The following LYZL6 variants were observed in gnomAD, a reference collection of about 807,000 sequenced individuals.
LYZL6 encodes lysozyme-like protein 6.
A neutral mutation model predicts 15.0 loss-of-function variants in LYZL6; 21 were observed. That is an observed-to-expected ratio of 1.40 (90% CI 1.00 to 2.02). The LOEUF (loss-of-function observed/expected upper bound fraction) is 2.02, where lower values mean the gene tolerates loss of function less well. LYZL6 is among the 30% of genes most tolerant of loss of function. The pLI is 0.00. For missense variants in LYZL6, 173 were observed against 180.5 expected (o/e 0.96, Z 0.24); for synonymous variants, 72 against 67.8 (o/e 1.06, Z -0.31).
chr17:35,938,225 T>A (rs1239442910), intron 2 of LYZL6, among the ~76,000 whole-genome samples: 1 of 152,214 alleles, frequency 6.6e-6, no homozygotes, highest in African/African-American at 2.4e-5. Context: ...AGATGCTGCC[T>A]TCAAGGGGCC....
chr17:35,934,821 C>A lies in LYZL6; in HGVS notation c.422G>T (p.Trp141Leu), dbSNP rs756201769. Residue 141 changes from tryptophan to leucine, a missense_variant, in exon 5 of 5, where the codon TGG (tryptophan) becomes TTG (leucine). Transcript: ENST00000615905. ...LHCSGRPLFYWLTGCRLR is the reference protein window; with the variant it reads ...LHCSGRPLFYLLTGCRLR ...TCATCTCAGGCGGCATCCTGTCAGC[C>A]AGTAGAAGAGTGGCCGGCCTGAACA... The A allele has an allele frequency of 6.2e-7, 1 of 1,614,186 alleles. No homozygotes were observed. Among genetic ancestry groups the A allele is most frequent in the East Asian group, 2.2e-5 (1 of 44,882 alleles).
intron 4 of LYZL6, among the ~76,000 whole-genome samples, chr17:35,935,977 C>G (rs2089369011): frequency 6.6e-6 from 1 of 151,908 alleles, no homozygotes; most frequent in Non-Finnish European, 1.5e-5. Flanking sequence ...CCATGACCAG[C>G]TAATTTTTTG....
At chr17:35,937,689 G>C in intron 3 of LYZL6, 69 bp downstream of exon 3, 1 of 1,528,730 alleles carries the variant, frequency 6.5e-7, no homozygotes, top group African/African-American at 1.4e-5. Flanking sequence ...CTGTGGGTGG[G>C]AAGAGAAGTT....
Position 35,934,873 on chromosome 17 carries a change from G to GA in LYZL6, c.378-9dup. ...TGCAACCTCCATTCTACCCTGCGGAGAAAAAAGACATGGTTCTTGCCTCAC... is the reference window on the plus strand; with the variant it reads ...TGCAACCTCCATTCTACCCTGCGGAGAAAAAAAGACATGGTTCTTGCCTCAC... On this transcript the variant is annotated splice_polypyrimidine_tract_variant and intron_variant, in intron 4 of 4. Coordinates refer to ENST00000615905, the MANE Select transcript of LYZL6 (RefSeq NM_020426.4). 1 of 1,613,804 alleles carries GA rather than the reference G, an allele frequency of 6.2e-7. No homozygotes were observed. The highest frequency in any genetic ancestry group is 1.1e-5 in the South Asian group (1 of 91,042).
intron 4 of LYZL6, 113 bp from the exon 5 acceptor site, chr17:35,934,978 G>T: frequency 1.6e-6 from 1 of 629,736 alleles, no homozygotes; most frequent in Non-Finnish European, 2.3e-6. Flanking sequence ...CCCCGTCATT[G>T]CTAGCTAGCC....
chr17:35,940,908 A>G (rs1171208425), intron 1 of LYZL6, among the ~76,000 whole-genome samples: 1 of 152,234 alleles, frequency 6.6e-6, no homozygotes, highest in Non-Finnish European at 1.5e-5. Flanking sequence ...TCGTCTATCC[A>G]TTCATTAGTT....
intron 2 of LYZL6, 89 bp from the exon 3 acceptor site, chr17:35,938,005 A>G (rs2089391918): frequency 7.6e-7 from 1 of 1,323,858 alleles, no homozygotes. Flanking sequence ...AAGGTTTCAG[A>G]CAAAAGGAAC....
intron 1 of LYZL6, among the ~76,000 whole-genome samples, chr17:35,941,683 A>C (rs1041884692): frequency 2.6e-5 from 4 of 152,184 alleles, no homozygotes; most frequent in Admixed American, 1.3e-4. Context: ...AAAAAGATAC[A>C]TTGTGTGGAG....
intron 1 of LYZL6, among the ~76,000 whole-genome samples, chr17:35,941,392 C>G (rs1568424120): frequency 4.0e-5 from 6 of 151,746 alleles, no homozygotes; most frequent in African/African-American, 1.2e-4. Context: ...GTATACTAGA[C>G]CAGCATCAGA....
chr17:35,938,597 G>A (rs2089398094), intron 2 of LYZL6, among the ~76,000 whole-genome samples: 1 of 147,404 alleles, frequency 6.8e-6, no homozygotes, highest in Non-Finnish European at 1.5e-5. Flanking sequence ...CAGCCTGGGT[G>A]ACAGAGCGAG....
intron 1 of LYZL6, among the ~76,000 whole-genome samples, chr17:35,941,725 G>C (rs1424112047): frequency 6.6e-6 from 1 of 152,102 alleles, no homozygotes; most frequent in Non-Finnish European, 1.5e-5. Context: ...GACAATAAAA[G>C]GCCAACCGAT....
chr17:35,939,623 C>T (rs9903354), intron 1 of LYZL6, 65 bp from the exon 2 acceptor site: 245,042 of 277,016 alleles, frequency 0.88, 108,591 homozygotes, highest in East Asian at 1. Context: ...CTTCAACATT[C>T]AAAAACCAAG....
chr17:35,939,983 C>A (rs988289199), intron 1 of LYZL6, among the ~76,000 whole-genome samples: 4 of 152,104 alleles, frequency 2.6e-5, no homozygotes, highest in African/African-American at 9.7e-5. Flanking sequence ...AATCTCCCCA[C>A]AACCCCACTC....
In LYZL6 at chr17:35,937,750, G is replaced by A. The variant is rs763287048; in HGVS notation, c.298+8C>T. 3 of 1,613,592 alleles carry A rather than the reference G, an allele frequency of 1.9e-6. No homozygotes were observed. Among genetic ancestry groups the A allele is most frequent in the Non-Finnish European group, 2.5e-6 (3 of 1,179,628 alleles). ...CTCATCTCTCCCACCCTGGGGCCCT[G>A]GCCAGACCTTGACAGTCTACGTGGC... On this transcript the variant is annotated splice_region_variant and intron_variant, in intron 3 of 4. Coordinates refer to ENST00000615905, the MANE Select transcript of LYZL6 (RefSeq NM_020426.4).
At chr17:35,936,254 T>C (rs1201948720) in intron 4 of LYZL6, among the ~76,000 whole-genome samples, 1 of 152,224 alleles carries the variant, frequency 6.6e-6, no homozygotes, top group Non-Finnish European at 1.5e-5. Flanking sequence ...ACCAATCAGA[T>C]TCTCTATCCC....
At chr17:35,940,690 CT>C (rs1437970488) in intron 1 of LYZL6, among the ~76,000 whole-genome samples, 3 of 152,206 alleles carry the variant, frequency 2.0e-5, no homozygotes, top group Non-Finnish European at 4.4e-5. Flanking sequence ...CTCCCAACCC[CT>C]GGCAACCACT....
intron 4 of LYZL6, among the ~76,000 whole-genome samples, chr17:35,935,804 G>A (rs1335693584): frequency 2.0e-5 from 3 of 148,712 alleles, no homozygotes; most frequent in African/African-American, 5.0e-5. Flanking sequence ...GAGCCACTGC[G>A]CCCAGCCGCC....
Position 35,939,288 on chromosome 17 carries a change from A to G in LYZL6, c.69T>C (p.Ser23=). The G allele has an allele frequency of 6.2e-7, 1 of 1,614,162 alleles. No individual in the cohort carries two copies. Among genetic ancestry groups the G allele is most frequent in the Non-Finnish European group, 8.5e-7 (1 of 1,180,000 alleles). The part of the protein sequence containing the change: ...FLALNQASLI[S]RCDLAQVLQL... ...GCAGCACCTGGGCCAAGTCACAGCG[A>G]CTGATGAGGCTGGCCTGATTTAGGG... Residue 23 remains serine, a synonymous_variant, in exon 2 of 5, where the codon AGT becomes AGC. Coordinates refer to ENST00000615905, the MANE Select transcript of LYZL6 (RefSeq NM_020426.4).
chr17:35,937,160 G>A (rs1357096634), intron 3 of LYZL6, among the ~76,000 whole-genome samples: 2 of 152,324 alleles, frequency 1.3e-5, no homozygotes, highest in East Asian at 1.9e-4. Flanking sequence ...GGTATGTCCC[G>A]CCTAGTGAGC....
Sources: gnomAD v4.1 joint callset for allele counts (sites outside exome capture counted in the v4.1 genomes callset) on GRCh38, gnomAD v4.1.1 for gene constraint, MANE v1.5 for transcripts, NCBI Gene and HGNC (gene_info 2026-07-23, HGNC 2026-07-21) for gene names.